The following SMARCC1 variants were observed in gnomAD, a reference collection of about 807,000 sequenced individuals.
The protein encoded by SMARCC1 is SWI/SNF complex subunit SMARCC1.
A neutral mutation model predicts 147.4 loss-of-function variants in SMARCC1; 43 were observed. The ratio of observed to expected loss-of-function variants is 0.29; its 90% CI spans 0.23 to 0.38. The LOEUF is 0.38. Among genes scored for constraint, SMARCC1 ranks in the 10% least tolerant of loss-of-function variants. The pLI is 1.00. For synonymous variants in SMARCC1, 495 were observed against 484.4 expected, an observed-to-expected ratio of 1.02 and a Z score of -0.29; for missense variants, 1,119 against 1,381.1, an observed-to-expected ratio of 0.81 and a Z score of 3.01.
At chr3:47,766,479 A>T (rs968623405) in intron 2 of SMARCC1, among the ~76,000 whole-genome samples, 38 of 151,794 alleles carry the variant, frequency 2.5e-4, no homozygotes, top group African/African-American at 7.5e-4. Context: ...AGGTGGGAGG[A>T]TCTACCTGAG....
In SMARCC1 at chr3:47,708,090, T is replaced by TCTTTTTTTC. The variant is rs1559650569; in HGVS notation, c.919-1561_919-1560insGAAAAAAAG. Among the ~76,000 whole-genome samples, 270 of 57,800 alleles carry TCTTTTTTTC rather than the reference T, an allele frequency of 4.7e-3. 7 individuals carry two copies. Among genetic ancestry groups the TCTTTTTTTC allele is most frequent in the South Asian group, 8.0e-3 (9 of 1,130 alleles). The allele number at this position is 57,800 out of a possible 152,430, so 37.9% of individuals were successfully genotyped here. A position where few individuals can be genotyped will look rare whatever the true frequency, so the allele number is the denominator to read the frequency against. ...TGAAGTTGAATTTTTTTTCTTTTTT[T>TCTTTTTTTC]TTTTTTTTTTTTTTTTTTTTTTTTT... On this transcript the variant is annotated intron_variant, in intron 9 of 27. Transcript: ENST00000254480.
At chr3:47,728,935 G>T (rs1400141825) in intron 6 of SMARCC1, 90 bp downstream of exon 6, 3 of 763,142 alleles carry the variant, frequency 3.9e-6, no homozygotes, top group Non-Finnish European at 6.3e-6. Context: ...TAAAAAGCTG[G>T]TTATTCTGTT....
chr3:47,693,006 AAAG>A (rs559316420), intron 12 of SMARCC1, among the ~76,000 whole-genome samples: 61 of 152,200 alleles, frequency 4.0e-4, no homozygotes, highest in African/African-American at 1.3e-3. Context: ...AAAAAAAAGA[AAAG>A]AAGGAGTGTA....
intron 24 of SMARCC1, among the ~76,000 whole-genome samples, chr3:47,624,894 TA>T (rs60766054): frequency 0.47 from 52,356 of 111,568 alleles, 10,003 homozygotes; most frequent in East Asian, 0.6. Flanking sequence ...TACTAAAAAT[TA>T]AAAAAAAAAA....
intron 26 of SMARCC1, among the ~76,000 whole-genome samples, chr3:47,605,292 T>G (rs2032453779): frequency 6.6e-6 from 1 of 152,242 alleles, no homozygotes; most frequent in Admixed American, 6.5e-5. Context: ...TCAAAAGACG[T>G]GCTCATGTAT....
chr3:47,640,152 T>C (rs2033029572), intron 21 of SMARCC1, among the ~76,000 whole-genome samples: 1 of 151,638 alleles, frequency 6.6e-6, no homozygotes. Context: ...TAGGCTTAAA[T>C]CAGAAAAGAA....
intron 1 of SMARCC1, among the ~76,000 whole-genome samples, chr3:47,781,207 C>G (rs1219920132): frequency 6.6e-6 from 1 of 152,240 alleles, no homozygotes; most frequent in Non-Finnish European, 1.5e-5. Flanking sequence ...AGCAAACCCC[C>G]TCGAGACTTT....
Position 47,769,214 on chromosome 3 carries a change from A to C in SMARCC1, c.315+3603T>G, listed in dbSNP as rs1257112185. Among the ~76,000 whole-genome samples, 1,020 of 145,586 alleles carry C rather than the reference A, an allele frequency of 7.0e-3. 3 individuals are homozygous for C. The highest frequency in any genetic ancestry group is 0.012 in the Non-Finnish European group (782 of 65,124). ...TGACAGAGCGAGACTCCGTCTCAAA[A>C]AAAAAAAAAAAAAAAAAAAGGGCCG... On this transcript the variant is annotated intron_variant, in intron 2 of 27. Transcript: ENST00000254480.
At chr3:47,590,195 C>T (rs1270234925) in intron 27 of SMARCC1, among the ~76,000 whole-genome samples, 3 of 152,208 alleles carry the variant, frequency 2.0e-5, no homozygotes, top group Non-Finnish European at 1.5e-5. Context: ...CTTTCTTAGC[C>T]TACACAGCCA....
intron 2 of SMARCC1, among the ~76,000 whole-genome samples, chr3:47,756,029 G>A (rs1037450660): frequency 2.0e-5 from 3 of 147,206 alleles, no homozygotes; most frequent in Admixed American, 6.9e-5. Context: ...AAGGCTGGGC[G>A]TGGTGGCGGG....
intron 10 of SMARCC1, 148 bp from the exon 11 acceptor site, chr3:47,701,550 C>G (rs2033918332): frequency 1.4e-6 from 1 of 727,726 alleles, no homozygotes; most frequent in African/African-American, 1.8e-5. Context: ...CGCGGTGGTT[C>G]ATGCCTGTAA....
chr3:47,754,307 A>G (rs1006280120), intron 2 of SMARCC1, among the ~76,000 whole-genome samples: 1 of 151,896 alleles, frequency 6.6e-6, no homozygotes, highest in Non-Finnish European at 1.5e-5. Context: ...GGTTCAAGCA[A>G]TTCTCCTGCC....
intron 19 of SMARCC1, 61 bp from the exon 20 acceptor site, chr3:47,662,653 G>A (rs2033362814): frequency 2.1e-5 from 30 of 1,424,252 alleles, no homozygotes; most frequent in Non-Finnish European, 2.9e-5. Context: ...TGTAATATTA[G>A]AAGTTCTTTA....
At chr3:47,650,816 T>TAA (rs35390935) in intron 21 of SMARCC1, among the ~76,000 whole-genome samples, 4 of 150,676 alleles carry the variant, frequency 2.7e-5, no homozygotes, top group Admixed American at 6.6e-5. Flanking sequence ...CCTGTCTCTT[T>TAA]AAAAAAAAAT....
intron 2 of SMARCC1, among the ~76,000 whole-genome samples, chr3:47,756,533 CAAAAA>C (rs11353915): frequency 3.6e-5 from 3 of 83,104 alleles, no homozygotes; most frequent in South Asian, 4.5e-4. Flanking sequence ...AACTCCGTCT[CAAAAA>C]AAAAAAAAAA....
intron 26 of SMARCC1, among the ~76,000 whole-genome samples, chr3:47,605,873 G>C (rs1260899621): frequency 1.3e-5 from 2 of 152,088 alleles, no homozygotes; most frequent in Non-Finnish European, 2.9e-5. Context: ...TACGGCGCTA[G>C]AAGTCAGGAC....
Position 47,588,212 on chromosome 3 carries a change from AG to A in SMARCC1, c.3314del (p.Pro1105LeufsTer20). The A allele has an allele frequency of 6.2e-7, 1 of 1,612,900 alleles. No homozygotes were observed. Among genetic ancestry groups the A allele is most frequent in the African/African-American group, 1.3e-5 (1 of 75,004 alleles). On this transcript the variant is annotated frameshift_variant, in exon 28 of 28. Coordinates refer to ENST00000254480, the MANE Select transcript of SMARCC1 (RefSeq NM_003074.4). LOFTEE classifies it high-confidence loss of function. ...GAGGTTCCCTGCATCTTCCAGGCTA[AG>A]GAGCAGCTGAGGCTGGCGGGCCAGG... ...PAPGPPASAAP is the reference protein window; with the variant it reads ...PAPGPPASAAX
At chr3:47,613,133 A>G (rs752148808) in intron 25 of SMARCC1, among the ~76,000 whole-genome samples, 4 of 152,184 alleles carry the variant, frequency 2.6e-5, no homozygotes, top group Non-Finnish European at 4.4e-5. Context: ...AGGCATCTGG[A>G]AATCTGTCCT....
chr3:47,717,715 T>G lies in SMARCC1; in HGVS notation c.716+2951A>C, dbSNP rs186396712. On this transcript the variant is annotated intron_variant, in intron 7 of 27. Transcript: ENST00000254480. ...CCAAGTATCTGGGACTACAGGCACG[T>G]GTCATCATGACTGGCTAATTTTTGT... 3.5e-3 allele frequency among the ~76,000 whole-genome samples: 529 copies of G among 152,112 alleles called. 1 individual carries two copies. Among genetic ancestry groups the G allele is most frequent in the Non-Finnish European group, 4.8e-3 (327 of 67,978 alleles).
Sources: gnomAD v4.1 joint callset for allele counts (sites outside exome capture counted in the v4.1 genomes callset) on GRCh38, gnomAD v4.1.1 for gene constraint, MANE v1.5 for transcripts, NCBI Gene and HGNC (gene_info 2026-07-23, HGNC 2026-07-21) for gene names.